The following GCNT2 variants were observed in gnomAD, a reference collection of about 807,000 sequenced individuals.
GCNT2 encodes glucosaminyl (N-acetyl) transferase 2 (I blood group).
GCNT2 carries 34 observed loss-of-function variants against 34.2 expected under a neutral mutation model. The ratio of observed to expected loss-of-function variants is 1.00; its 90% CI spans 0.76 to 1.32. The LOEUF is 1.32. Among genes scored for constraint, GCNT2 ranks in the 40% most tolerant of loss-of-function variants. The pLI, the probability that GCNT2 is intolerant of heterozygous loss-of-function variation, is 0.00. For synonymous variants in GCNT2, 212 were observed against 188.0 expected (o/e 1.13, Z -1.04); for missense variants, 584 against 489.4 (o/e 1.19, Z -1.82).
chr6:10,539,449 A>G (rs908270596), intron 3 of GCNT2, among the ~76,000 whole-genome samples: 8 of 151,988 alleles, frequency 5.3e-5, no homozygotes, highest in Non-Finnish European at 1.0e-4. Flanking sequence ...TCAGCCTCCC[A>G]AAGTGCTGGA....
chr6:10,575,140 A>C (rs1581430311), intron 3 of GCNT2: 1 of 427,814 alleles, frequency 2.3e-6, no homozygotes, highest in East Asian at 4.8e-5. Flanking sequence ...ATTCACATAT[A>C]CGTGGCCAAA....
intron 3 of GCNT2, among the ~76,000 whole-genome samples, chr6:10,606,639 A>AGAAATTTAATGGAAATTTCCATTAAT: frequency 7.3e-6 from 1 of 136,250 alleles, no homozygotes; most frequent in African/African-American, 2.5e-5. Context: ...TTTCCATTAA[A>AGAAATTTAATGGAAATTTCCATTAAT]GAAATTTAAT....
intron 1 of GCNT2, among the ~76,000 whole-genome samples, chr6:10,523,988 A>AC (rs1561773034): frequency 6.0e-5 from 9 of 149,762 alleles, no homozygotes; most frequent in Non-Finnish European, 1.5e-5. Context: ...AAAAAAAAAA[A>AC]AAAAACCAAG....
intron 3 of GCNT2, among the ~76,000 whole-genome samples, chr6:10,546,933 ATACTT>A (rs746266689): frequency 1.3e-5 from 2 of 152,196 alleles, no homozygotes. Flanking sequence ...ATATAAAAAT[ATACTT>A]TATGGAATCA....
chr6:10,543,200 G>T (rs574543120), intron 3 of GCNT2, among the ~76,000 whole-genome samples: 2 of 144,206 alleles, frequency 1.4e-5, no homozygotes, highest in African/African-American at 2.6e-5. Flanking sequence ...GAGCCACCAC[G>T]CCCGGCCCTT....
intron 3 of GCNT2, chr6:10,586,496 T>G (rs1460491305): frequency 6.2e-6 from 10 of 1,614,220 alleles, no homozygotes; most frequent in Non-Finnish European, 8.5e-6. Context: ...GACTCCAGGC[T>G]GACCTGAACT....
intron 3 of GCNT2, among the ~76,000 whole-genome samples, chr6:10,565,304 A>G (rs368230075): frequency 6.6e-6 from 1 of 152,218 alleles, no homozygotes; most frequent in Non-Finnish European, 1.5e-5. Flanking sequence ...CAGAATAAAC[A>G]CTCAGCAAAA....
At chr6:10,602,699 G>C (rs1057334758) in intron 3 of GCNT2, among the ~76,000 whole-genome samples, 2 of 152,148 alleles carry the variant, frequency 1.3e-5, no homozygotes, top group Admixed American at 1.3e-4. Flanking sequence ...TTGGCTGCTC[G>C]TACATGGAAT....
At chr6:10,556,300 C>T (rs1561796129) in intron 3 of GCNT2, 3 of 1,536,546 alleles carry the variant, frequency 2.0e-6, no homozygotes, top group East Asian at 4.7e-5. Context: ...CGATTCCCAG[C>T]GTCTCCAACA....
rs994222565 is a variant in GCNT2, at chr6:10,628,653, G to C, written c.*2046G>C. On this transcript the variant is annotated 3_prime_UTR_variant, in exon 5 of 5. Transcript: ENST00000495262. Reference sequence around the variant, plus strand: ...CCTCAATGTGATGGTATTTGAGATGGGGCCTTTGGTAAGGGAAGTTTAGAT... The same window carrying C: ...CCTCAATGTGATGGTATTTGAGATGCGGCCTTTGGTAAGGGAAGTTTAGAT... 1.3e-5 allele frequency: 2 copies of C among 152,232 alleles called. No individual in the cohort carries two copies. The highest frequency in any genetic ancestry group is 4.8e-5 in the African/African-American group (2 of 41,448). 9.4% of individuals were successfully genotyped at this position (152,232 alleles called of 1,614,324 possible). A position where few individuals can be genotyped will look rare whatever the true frequency, so the allele number is the denominator to read the frequency against.
At chr6:10,619,103 A>G (rs1765918722) in intron 3 of GCNT2, 1 of 152,198 alleles carries the variant, frequency 6.6e-6, no homozygotes, top group Non-Finnish European at 1.5e-5. Flanking sequence ...GCCTAATTCA[A>G]TTAAATTTCT....
intron 3 of GCNT2, among the ~76,000 whole-genome samples, chr6:10,549,371 C>T (rs1762391473): frequency 6.6e-6 from 1 of 152,036 alleles, no homozygotes; most frequent in African/African-American, 2.4e-5. Flanking sequence ...TGAGTAAATA[C>T]TGGAGAATGG....
At chr6:10,551,643 C>A (rs917695286) in intron 3 of GCNT2, among the ~76,000 whole-genome samples, 2 of 152,030 alleles carry the variant, frequency 1.3e-5, no homozygotes, top group African/African-American at 4.8e-5. Flanking sequence ...CAGGGTTTCA[C>A]CATCTTGGCC....
rs1491129469 is a variant in GCNT2 at position 10,534,139 on chromosome 6, C to CTTTTTTTTT, written c.925+4304_925+4305insTTTTTTTTT. Among the ~76,000 whole-genome samples the CTTTTTTTTT allele has an allele frequency of 2.0e-3, 241 of 123,144 alleles. 22 individuals carry two copies. The highest frequency in any genetic ancestry group is 4.8e-3 in the Middle Eastern group (1 of 210). 80.8% of individuals were successfully genotyped at this position (123,144 alleles called of 152,430 possible). On this transcript the variant is annotated intron_variant, in intron 3 of 4. Coordinates refer to ENST00000495262, the MANE Select transcript of GCNT2 (RefSeq NM_145649.5). The stretch of plus-strand genomic sequence containing the variant: ...CTGGTATCTGCCAGATTCCATGCTG[C>CTTTTTTTTT]TCTTTTTTTTTTTTTTTTTTAAGAT...
At chr6:10,537,854 C>T (rs1020497905) in intron 3 of GCNT2, among the ~76,000 whole-genome samples, 3 of 151,998 alleles carry the variant, frequency 2.0e-5, no homozygotes, top group African/African-American at 7.3e-5. Context: ...GCAAAATCAT[C>T]TTACACAAAG....
intron 3 of GCNT2, among the ~76,000 whole-genome samples, chr6:10,597,450 CG>C (rs1764907512): frequency 6.7e-6 from 1 of 148,730 alleles, no homozygotes; most frequent in African/African-American, 2.5e-5. Flanking sequence ...CCACCACGCC[CG>C]GCCAGGAATT....
intron 3 of GCNT2, among the ~76,000 whole-genome samples, chr6:10,537,999 C>A (rs751384002): frequency 5.3e-5 from 8 of 152,048 alleles, no homozygotes; most frequent in Non-Finnish European, 1.0e-4. Flanking sequence ...CTGCTAGCAT[C>A]ATGAGAGAGT....
In GCNT2 at chr6:10,529,595, G is replaced by A; in HGVS notation, c.684G>A (p.Arg228=). 2 of 1,613,860 alleles carry A rather than the reference G, an allele frequency of 1.2e-6. No homozygotes were observed. The highest frequency in any genetic ancestry group is 1.1e-5 in the South Asian group (1 of 91,068). The change falls in exon 3 of 5, where the codon CGG becomes CGA. Residue 228 remains arginine, a synonymous_variant. Coordinates refer to ENST00000495262, the MANE Select transcript of GCNT2 (RefSeq NM_145649.5). ...GVLPPDHAVG[R]TKYVHQELLN... ...TGCCTCCTGACCACGCTGTTGGACG[G>A]ACTAAATACGTCCACCAAGAACTGT...
At chr6:10,566,153 C>T (rs1414732136) in intron 3 of GCNT2, among the ~76,000 whole-genome samples, 2 of 152,032 alleles carry the variant, frequency 1.3e-5, no homozygotes, top group Non-Finnish European at 2.9e-5. Context: ...GATGCTCTTC[C>T]TCCCTATCCT....
Sources: gnomAD v4.1 joint callset for allele counts (sites outside exome capture counted in the v4.1 genomes callset) on GRCh38, gnomAD v4.1.1 for gene constraint, MANE v1.5 for transcripts, NCBI Gene and HGNC (gene_info 2026-07-23, HGNC 2026-07-21) for gene names.